The following TMOD1 variants were observed in gnomAD, a reference collection of about 807,000 sequenced individuals.
The protein encoded by TMOD1 is tropomodulin-1.
In TMOD1, 17 loss-of-function variants were observed where a neutral mutation model predicts 40.6. The observed-to-expected ratio is 0.42, with a 90% CI of 0.29 to 0.63. The LOEUF is 0.63. TMOD1 is among the 20% of genes least tolerant of loss of function. The pLI is 0.22. For missense variants in TMOD1, 391 were observed against 447.6 expected, an observed-to-expected ratio of 0.87 and a Z score of 1.14; for synonymous variants, 181 against 175.0, an observed-to-expected ratio of 1.03 and a Z score of -0.27.
chr9:97,550,452 T>C (rs1311556993), intron 3 of TMOD1, among the ~76,000 whole-genome samples: 2 of 152,242 alleles, frequency 1.3e-5, no homozygotes, highest in African/African-American at 4.8e-5. Context: ...CTGCTAAACT[T>C]CTTTTCCATA....
intron 4 of TMOD1, among the ~76,000 whole-genome samples, chr9:97,558,999 C>T (rs1398569805): frequency 6.6e-6 from 1 of 152,196 alleles, no homozygotes; most frequent in Non-Finnish European, 1.5e-5. Flanking sequence ...CGCCTCCATC[C>T]CTTTTCTAGA....
rs1039804268 is a variant in TMOD1, at chr9:97,553,204, T to C, written c.278-77T>C. Reference sequence around the variant, plus strand: ...AGGGACCCACAGGGCTCTACAATGGTCCACGCAGGGCTGTGGGTCCACCAG... The same window carrying C: ...AGGGACCCACAGGGCTCTACAATGGCCCACGCAGGGCTGTGGGTCCACCAG... On this transcript the variant is annotated intron_variant, in intron 3 of 9. Coordinates refer to ENST00000259365, the MANE Select transcript of TMOD1 (RefSeq NM_003275.4). 3.5e-5 allele frequency: 56 copies of C among 1,596,424 alleles called. No homozygotes were observed. The Middle Eastern group carries it at 1.6e-3, about 45-fold the overall frequency.
chr9:97,601,458 A>G lies in TMOD1; in HGVS notation c.*1760A>G. 1 of 1,014,754 alleles carries G rather than the reference A, an allele frequency of 9.9e-7. No individual in the cohort carries two copies. The highest frequency in any genetic ancestry group is 1.2e-6 in the Non-Finnish European group (1 of 847,108). The allele number at this position is 1,014,754 out of a possible 1,614,324, so 62.9% of individuals were successfully genotyped here. A position where few individuals can be genotyped will look rare whatever the true frequency, so the allele number is the denominator to read the frequency against. ...AGAGAGAACATTTAAAAGCTCAGAG[A>G]GTAAGTGCTGGGGAAAGCAGAGCTA... On this transcript the variant is annotated 3_prime_UTR_variant, in exon 10 of 10. Coordinates refer to ENST00000259365, the MANE Select transcript of TMOD1 (RefSeq NM_003275.4).
chr9:97,586,759 C>T (rs1435504678), intron 8 of TMOD1, among the ~76,000 whole-genome samples: 1 of 152,178 alleles, frequency 6.6e-6, no homozygotes, highest in East Asian at 1.9e-4. Context: ...GTGGGAGTGA[C>T]CCGATTTTCC....
At chr9:97,556,156 G>A (rs1241778724) in intron 4 of TMOD1, among the ~76,000 whole-genome samples, 5 of 152,136 alleles carry the variant, frequency 3.3e-5, no homozygotes, top group Non-Finnish European at 4.4e-5. Context: ...CGATGAGGCC[G>A]AGGCCTGGGC....
At chr9:97,538,809 A>AC (rs1480820463) in intron 2 of TMOD1, among the ~76,000 whole-genome samples, 2 of 151,798 alleles carry the variant, frequency 1.3e-5, no homozygotes, top group African/African-American at 4.9e-5. Context: ...AGCCTGGCCA[A>AC]CACAGTGAAA....
intron 7 of TMOD1, among the ~76,000 whole-genome samples, chr9:97,567,195 C>T (rs1393072419): frequency 6.6e-6 from 1 of 152,210 alleles, no homozygotes; most frequent in African/African-American, 2.4e-5. Flanking sequence ...CTCCATGGTT[C>T]CTTGCCCATA....
intron 4 of TMOD1, among the ~76,000 whole-genome samples, chr9:97,558,143 C>T (rs1325893581): frequency 6.6e-6 from 1 of 152,192 alleles, no homozygotes; most frequent in Non-Finnish European, 1.5e-5. Flanking sequence ...TTCTTTTCGT[C>T]CTTCCTTTTT....
rs374060099 is a variant in TMOD1, at chr9:97,566,659, A to G, written c.726+704A>G. Among the ~76,000 whole-genome samples the G allele has an allele frequency of 3.9e-4, 59 of 152,252 alleles. 2 individuals carry two copies. The highest frequency in any genetic ancestry group is 1.3e-3 in the African/African-American group (56 of 41,548). ...ATACTCCAGCTTGGGCGACAGAGCG[A>G]GGCTCCATCACAAAATAAATAAATA... On this transcript the variant is annotated intron_variant, in intron 7 of 9. Coordinates refer to ENST00000259365, the MANE Select transcript of TMOD1 (RefSeq NM_003275.4).
chr9:97,550,931 A>G (rs997600107), intron 3 of TMOD1, among the ~76,000 whole-genome samples: 7 of 149,236 alleles, frequency 4.7e-5, no homozygotes, highest in Middle Eastern at 3.4e-3. Context: ...TATCATATCT[A>G]GGACTCCACT....
At chr9:97,578,280 C>G (rs906452316) in intron 8 of TMOD1, among the ~76,000 whole-genome samples, 4 of 152,184 alleles carry the variant, frequency 2.6e-5, no homozygotes, top group African/African-American at 7.2e-5. Context: ...GTCTCGATCT[C>G]CTGACCTCGT....
intron 8 of TMOD1, among the ~76,000 whole-genome samples, chr9:97,586,989 G>A (rs539404517): frequency 6.6e-6 from 1 of 152,360 alleles, no homozygotes; most frequent in African/African-American, 2.4e-5. Flanking sequence ...GCTGGGAGCT[G>A]TAGACCGGAG....
intron 8 of TMOD1, among the ~76,000 whole-genome samples, chr9:97,573,772 AGAGT>A (rs1374833599): frequency 6.6e-6 from 1 of 152,194 alleles, no homozygotes; most frequent in Non-Finnish European, 1.5e-5. Context: ...AACTTCTCCC[AGAGT>A]GAGTGAGCCA....
At chr9:97,564,224 T>A (rs1016325495) in intron 6 of TMOD1, 56 bp downstream of exon 6, 15 of 1,544,208 alleles carry the variant, frequency 9.7e-6, no homozygotes, top group Non-Finnish European at 1.3e-5. Flanking sequence ...GGGAACCATG[T>A]CACCCAAATG....
At chr9:97,509,516 T>TTG (rs1196690499) in intron 1 of TMOD1, among the ~76,000 whole-genome samples, 1 of 121,718 alleles carries the variant, frequency 8.2e-6, no homozygotes, top group African/African-American at 2.9e-5. Flanking sequence ...TTTTTTGTTT[T>TTG]TTGTTTTTTT....
chr9:97,597,920 A>G (rs1826148829), intron 9 of TMOD1, among the ~76,000 whole-genome samples: 1 of 151,826 alleles, frequency 6.6e-6, no homozygotes, highest in South Asian at 2.1e-4. Flanking sequence ...CTGCAGGGAG[A>G]AGGAGCTAAT....
At chr9:97,597,198 GT>G (rs1032714088) in intron 9 of TMOD1, among the ~76,000 whole-genome samples, 1 of 152,068 alleles carries the variant, frequency 6.6e-6, no homozygotes. Flanking sequence ...GCAGTGAAGA[GT>G]TTTTTAAAGA....
Position 97,591,412 on chromosome 9 carries a change from C to T in TMOD1, c.992C>T (p.Ala331Val). The T allele has an allele frequency of 1.2e-6, 2 of 1,614,182 alleles. No homozygotes were observed. The highest frequency in any genetic ancestry group is 1.7e-6 in the Non-Finnish European group (2 of 1,180,020). Reference sequence around the variant, plus strand: ...GGACCCCGGCTTCGGGCATCCAACGCAATGATGAACAACAATGACCTTGGT... The same window carrying T: ...GGACCCCGGCTTCGGGCATCCAACGTAATGATGAACAACAATGACCTTGGT... The part of the protein sequence containing the change: ...QQGPRLRASN[A>V]MMNNNDLVRK... Residue 331 changes from alanine to valine, a missense_variant, in exon 9 of 10, where the codon GCA (alanine) becomes GTA (valine). Transcript: ENST00000259365.
chr9:97,526,865 T>G (rs910899508), intron 2 of TMOD1, among the ~76,000 whole-genome samples: 14 of 152,224 alleles, frequency 9.2e-5, no homozygotes, highest in Non-Finnish European at 1.8e-4. Flanking sequence ...ACTTATAATC[T>G]GGTCTTATAC....
Sources: gnomAD v4.1 joint callset for allele counts (sites outside exome capture counted in the v4.1 genomes callset) on GRCh38, gnomAD v4.1.1 for gene constraint, MANE v1.5 for transcripts, NCBI Gene and HGNC (gene_info 2026-07-23, HGNC 2026-07-21) for gene names.